Variants in DST observed in about 807,000 individuals in gnomAD.
The protein encoded by DST is bullous pemphigoid antigen.
DST carries 253 observed loss-of-function variants against 875.2 expected under a neutral mutation model. The ratio of observed to expected loss-of-function variants is 0.29; its 90% CI spans 0.26 to 0.32. The LOEUF (loss-of-function observed/expected upper bound fraction) is 0.32. Ranked by LOEUF, DST falls within the 10% of genes least tolerant of loss-of-function variation. The pLI, the probability that DST is intolerant of heterozygous loss-of-function variation, is 1.00. For missense variants in DST, 8,287 were observed against 9,111.6 expected, an observed-to-expected ratio of 0.91 and a Z score of 3.68; for synonymous variants, 3,124 against 3,197.1, an observed-to-expected ratio of 0.98 and a Z score of 0.77.
At chr6:56,919,819 C>T (rs996006884) in intron 2 of DST, among the ~76,000 whole-genome samples, 1 of 152,068 alleles carries the variant, frequency 6.6e-6, no homozygotes, top group Non-Finnish European at 1.5e-5. Flanking sequence ...TTTTGGCATG[C>T]ACCTGTAATC....
chr6:56,650,546 A>G (rs535095447), intron 12 of DST, among the ~76,000 whole-genome samples: 1 of 152,348 alleles, frequency 6.6e-6, no homozygotes, highest in South Asian at 2.1e-4. Context: ...CGTATGAAGT[A>G]ACAAATTTGA....
intron 3 of DST, among the ~76,000 whole-genome samples, chr6:56,899,300 T>G (rs1008305033): frequency 6.6e-6 from 1 of 152,228 alleles, no homozygotes; most frequent in Non-Finnish European, 1.5e-5. Context: ...CAAATTCTAC[T>G]TAGCCTTTGT....
At position 56,739,918 on chromosome 6, in the gene DST, A is replaced by G. The variant is rs188100687; in HGVS notation, c.626-4629T>C. Among the ~76,000 whole-genome samples the G allele has an allele frequency of 6.7e-4, 102 of 152,274 alleles. No individual in the cohort carries two copies. In the East Asian group the frequency reaches 0.016, roughly 23 times the overall value. On this transcript the variant is annotated intron_variant, in intron 4 of 103. Coordinates refer to ENST00000680361, the MANE Select transcript of DST (RefSeq NM_001374736.1). ...GGGCTGCTATGTCTATGGAGTAGCCATTCTTTATTCTCAGCTCGCTACAAC... is the reference window on the plus strand; with the variant it reads ...GGGCTGCTATGTCTATGGAGTAGCCGTTCTTTATTCTCAGCTCGCTACAAC...
intron 4 of DST, among the ~76,000 whole-genome samples, chr6:56,778,441 G>T (rs866856142): frequency 3.4e-5 from 5 of 146,646 alleles, no homozygotes; most frequent in African/African-American, 1.3e-4. Flanking sequence ...GTGCAGGTTA[G>T]TTACATATGT....
rs2096519654 is a variant in DST, at chr6:56,513,253, A to C, written c.18577-1853T>G. Among the ~76,000 whole-genome samples, 3 of 147,602 alleles carry C rather than the reference A, an allele frequency of 2.0e-5. No individual in the cohort carries two copies. In the South Asian group the frequency reaches 6.4e-4, roughly 31 times the overall value. ...GAGCCTTTTTTTTTTTTTTTAAGAC[A>C]GAGTTTTGCTCTTGTTGCCCAGGCT... On this transcript the variant is annotated intron_variant, in intron 72 of 103. Transcript: ENST00000680361.
chr6:56,596,032 T>C (rs557147522), intron 47 of DST, among the ~76,000 whole-genome samples: 1 of 151,634 alleles, frequency 6.6e-6, no homozygotes, highest in Non-Finnish European at 1.5e-5. Context: ...TACTTATTTA[T>C]TTATTTATTT....
Position 56,780,880 on chromosome 6 carries a change from A to G in DST, c.626-45591T>C, listed in dbSNP as rs545730087. 3.4e-3 allele frequency among the ~76,000 whole-genome samples: 512 copies of G among 152,244 alleles called. 4 individuals are homozygous for G. Among genetic ancestry groups the G allele is most frequent in the African/African-American group, 0.012 (497 of 41,534 alleles). On this transcript the variant is annotated intron_variant, in intron 4 of 103. Transcript: ENST00000680361. ...TTTAGATCTAACGTTTAAGTCTTTA[A>G]TCCATCTTGAATTAATTTTTGTATA...
In DST at chr6:56,471,281, A is replaced by G. The variant is rs2094877296; in HGVS notation, c.22159-13T>C. 3.2e-6 allele frequency: 5 copies of G among 1,565,226 alleles called. No individual in the cohort carries two copies. Among genetic ancestry groups the G allele is most frequent in the African/African-American group, 1.4e-5 (1 of 73,808 alleles). On this transcript the variant is annotated splice_polypyrimidine_tract_variant and intron_variant, in intron 94 of 103. Coordinates refer to ENST00000680361, the MANE Select transcript of DST (RefSeq NM_001374736.1). ...CAAATTCCCTCAGCTAAAAGGACAA[A>G]AAGTATTTTGATTGAGTTAATGCTG...
At chr6:56,916,976 C>G (rs1199924614) in intron 2 of DST, among the ~76,000 whole-genome samples, 3 of 141,868 alleles carry the variant, frequency 2.1e-5, no homozygotes, top group Non-Finnish European at 3.0e-5. Flanking sequence ...GCCATCAAGC[C>G]CCAGGCATGC....
At chr6:56,637,871 G>A (rs2098841186) in intron 22 of DST, among the ~76,000 whole-genome samples, 1 of 151,964 alleles carries the variant, frequency 6.6e-6, no homozygotes. Context: ...ACTTCCGAAT[G>A]GAATGTATGA....
intron 4 of DST, among the ~76,000 whole-genome samples, chr6:56,819,048 T>C (rs2099769963): frequency 6.6e-6 from 1 of 152,184 alleles, no homozygotes; most frequent in Non-Finnish European, 1.5e-5. Flanking sequence ...AGGGCTTATC[T>C]ATACCAAGGA....
At chr6:56,585,853 C>T (rs1263399223) in intron 49 of DST, among the ~76,000 whole-genome samples, 1 of 152,074 alleles carries the variant, frequency 6.6e-6, no homozygotes, top group African/African-American at 2.4e-5. Flanking sequence ...TCGTTAGGTA[C>T]CCAGTAGTCA....
chr6:56,873,884 A>T (rs80015572), intron 3 of DST, among the ~76,000 whole-genome samples: 3,578 of 152,302 alleles, frequency 0.023, 124 homozygotes, highest in African/African-American at 0.081. Flanking sequence ...CAAAAGAATG[A>T]TAAATGTTTG....
intron 5 of DST, among the ~76,000 whole-genome samples, chr6:56,719,178 T>C (rs763850484): frequency 6.6e-6 from 1 of 152,158 alleles, no homozygotes; most frequent in Non-Finnish European, 1.5e-5. Context: ...TTAATAATGG[T>C]TCCCAGAATG....
chr6:56,492,228 T>C lies in DST; in HGVS notation c.20756A>G (p.Gln6919Arg), dbSNP rs771106035. Residue 6919 changes from glutamine (Q) to arginine (R), a missense_variant and splice_region_variant, in exon 85 of 104, where the codon CAG becomes CGG. Transcript: ENST00000680361. ...SLDDARKRAK[Q>R]FHEAWSKLME... ...AGAATTTTTCTAAAGGGTTATTACC[T>C]GCTTGGCTCTCTTCCTTGCATCATC... 6 of 1,613,468 alleles carry C rather than the reference T, an allele frequency of 3.7e-6. No individual in the cohort carries two copies. The Admixed American group carries it at 5.0e-5, about 13-fold the overall frequency.
chr6:56,508,404 G>T, intron 75 of DST, 125 bp downstream of exon 75: 1 of 772,538 alleles, frequency 1.3e-6, no homozygotes, highest in Non-Finnish European at 2.2e-6. Context: ...CTGTATCACT[G>T]CACATTCCAT....
chr6:56,925,345 C>T (rs763402587), intron 2 of DST, among the ~76,000 whole-genome samples: 15 of 152,016 alleles, frequency 9.9e-5, no homozygotes, highest in Admixed American at 1.3e-4. Flanking sequence ...AACATACAGT[C>T]GAAATAACAT....
At chr6:56,670,561 A>G (rs1387208994) in intron 10 of DST, 80 bp downstream of exon 10, 1 of 1,045,940 alleles carries the variant, frequency 9.6e-7, no homozygotes, top group Non-Finnish European at 1.3e-6. Flanking sequence ...TTCTATAATA[A>G]TAAAAGATAA....
chr6:56,529,155 T>A (rs902219767), intron 66 of DST, among the ~76,000 whole-genome samples: 1 of 152,178 alleles, frequency 6.6e-6, no homozygotes, highest in Admixed American at 6.5e-5. Flanking sequence ...TTTCAGAAAA[T>A]ACTTAGGGCC....
Sources: allele counts gnomAD v4.1 joint callset (sites outside exome capture counted in the v4.1 genomes callset), GRCh38; gene constraint gnomAD v4.1.1; transcripts MANE v1.5; gene names NCBI Gene and HGNC (gene_info 2026-07-23, HGNC 2026-07-21).